Variants in MCUB observed in about 807,000 individuals in gnomAD.
The protein encoded by MCUB is calcium uniporter regulatory subunit MCUb, mitochondrial.
A neutral mutation model predicts 41.4 loss-of-function variants in MCUB; 46 were observed. The ratio of observed to expected loss-of-function variants is 1.11; its 90% confidence interval spans 0.88 to 1.42. The LOEUF (loss-of-function observed/expected upper bound fraction) is 1.42, where lower values mean the gene tolerates loss of function less well. Among genes scored for constraint, MCUB ranks in the 40% most tolerant of loss-of-function variants. The probability of loss-of-function intolerance (pLI) is 0.00; values close to 1 mark genes in which losing one functional copy is unlikely to be tolerated. For synonymous variants in MCUB, 148 were observed against 148.2 expected (o/e 1.00, Z 0.01); for missense variants, 403 against 404.9 (o/e 1.00, Z 0.04).
At chr4:109,615,268 C>T (rs1354848678) in intron 1 of MCUB, among the ~76,000 whole-genome samples, 1 of 152,094 alleles carries the variant, frequency 6.6e-6, no homozygotes, top group East Asian at 1.9e-4. Context: ...ACCCATATTG[C>T]AGATGTCAGC....
At chr4:109,665,140 G>A (rs58830158) in intron 4 of MCUB, among the ~76,000 whole-genome samples, 5,857 of 152,082 alleles carry the variant, frequency 0.039, 400 homozygotes, top group African/African-American at 0.14. Flanking sequence ...TTACATTAGG[G>A]TTTACTCTTG....
chr4:109,574,688 A>G (rs547888296), intron 1 of MCUB, among the ~76,000 whole-genome samples: 45 of 152,326 alleles, frequency 3.0e-4, no homozygotes, highest in African/African-American at 1.1e-3. Flanking sequence ...AATAACCATC[A>G]TATGAGGAAT....
At position 109,660,285 on chromosome 4, in the gene MCUB, T is replaced by C. The variant is rs1163534924; in HGVS notation, c.266T>C (p.Met89Thr). ...KERCQFVVKP[M>T]LSTVGSFLQD... is the part of the protein sequence containing the mutation. ...CGTTGTCAATTCGTAGTCAAACCAA[T>C]GTTGTCAACAGTTGGTTCATTCCTT... Residue 89 changes from methionine (M) to threonine (T), a missense_variant, in exon 3 of 8, where the codon ATG becomes ACG. Met to Thr is a moderately conservative substitution (Grantham distance 81). Transcript: ENST00000394650. 1 of 1,602,608 alleles carries C rather than the reference T, an allele frequency of 6.2e-7. No individual in the cohort carries two copies. Among genetic ancestry groups the C allele is most frequent in the Non-Finnish European group, 8.5e-7 (1 of 1,169,720 alleles).
intron 1 of MCUB, among the ~76,000 whole-genome samples, chr4:109,612,876 G>A (rs1728044252): frequency 1.3e-5 from 2 of 152,144 alleles, no homozygotes; most frequent in Admixed American, 1.3e-4. Context: ...GGAGGCCAAG[G>A]CGGGCGGATC....
chr4:109,642,846 T>C (rs1437371028), intron 1 of MCUB, among the ~76,000 whole-genome samples: 1 of 151,940 alleles, frequency 6.6e-6, no homozygotes, highest in Non-Finnish European at 1.5e-5. Context: ...TGTTTTTTGG[T>C]TAAATGATAT....
intron 1 of MCUB, among the ~76,000 whole-genome samples, chr4:109,606,609 A>G (rs1037867552): frequency 6.6e-5 from 10 of 152,184 alleles, no homozygotes; most frequent in African/African-American, 2.4e-4. Flanking sequence ...ACAACTTAAC[A>G]TTGATTGCAT....
intron 1 of MCUB, among the ~76,000 whole-genome samples, chr4:109,576,008 C>G (rs533232999): frequency 6.6e-6 from 1 of 152,292 alleles, no homozygotes; most frequent in East Asian, 1.9e-4. Context: ...GTCTAGGATT[C>G]TCACCTCTGC....
intron 1 of MCUB, among the ~76,000 whole-genome samples, chr4:109,597,690 C>T (rs1173539333): frequency 2.8e-5 from 4 of 145,268 alleles, no homozygotes; most frequent in Admixed American, 1.4e-4. Flanking sequence ...GGGGGCTGAC[C>T]CCCCACCTCC....
At chr4:109,603,293 C>T (rs948711384) in intron 1 of MCUB, among the ~76,000 whole-genome samples, 2 of 152,198 alleles carry the variant, frequency 1.3e-5, no homozygotes, top group Non-Finnish European at 2.9e-5. Flanking sequence ...GATGGGGTTT[C>T]GCTGTGTTGG....
At chr4:109,566,581 T>C (rs574125514) in intron 1 of MCUB, among the ~76,000 whole-genome samples, 1 of 152,292 alleles carries the variant, frequency 6.6e-6, no homozygotes, top group East Asian at 1.9e-4. Flanking sequence ...TTTCAATCAT[T>C]AAGACCATTC....
intron 4 of MCUB, among the ~76,000 whole-genome samples, chr4:109,679,248 C>T (rs937346691): frequency 5.9e-5 from 9 of 152,204 alleles, no homozygotes; most frequent in East Asian, 3.8e-4. Context: ...GACGGGGTGG[C>T]GGCCAGGCAG....
intron 4 of MCUB, among the ~76,000 whole-genome samples, chr4:109,670,470 C>G (rs771160283): frequency 6.6e-6 from 1 of 152,138 alleles, no homozygotes; most frequent in Non-Finnish European, 1.5e-5. Flanking sequence ...TTAATCCCAG[C>G]ACTTTGAGAG....
intron 1 of MCUB, among the ~76,000 whole-genome samples, chr4:109,568,527 C>CCCCG: frequency 6.6e-6 from 1 of 152,076 alleles, no homozygotes; most frequent in Admixed American, 6.5e-5. Flanking sequence ...TCTCCCTTTA[C>CCCCG]CCCGCTTCTT....
intron 1 of MCUB, among the ~76,000 whole-genome samples, chr4:109,635,771 T>G (rs1257067247): frequency 6.6e-6 from 1 of 152,152 alleles, no homozygotes; most frequent in Non-Finnish European, 1.5e-5. Flanking sequence ...GTCTGTGTCT[T>G]CTCATCTAAT....
At chr4:109,649,137 T>C (rs1728904928) in intron 1 of MCUB, among the ~76,000 whole-genome samples, 1 of 152,062 alleles carries the variant, frequency 6.6e-6, no homozygotes, top group Admixed American at 6.5e-5. Context: ...TGTGTTGTTA[T>C]AAATCCAACA....
intron 1 of MCUB, among the ~76,000 whole-genome samples, chr4:109,634,199 C>G (rs1728538865): frequency 6.6e-6 from 1 of 151,920 alleles, no homozygotes; most frequent in Admixed American, 6.6e-5. Flanking sequence ...TGTCTCCATG[C>G]AGGCCAGGCA....
chr4:109,601,194 CA>C (rs1727725377), intron 1 of MCUB, among the ~76,000 whole-genome samples: 1 of 152,148 alleles, frequency 6.6e-6, no homozygotes, highest in Non-Finnish European at 1.5e-5. Flanking sequence ...TACAGGCATG[CA>C]GTGTGTAATA....
At chr4:109,605,903 A>G (rs945285458) in intron 1 of MCUB, among the ~76,000 whole-genome samples, 6 of 151,828 alleles carry the variant, frequency 4.0e-5, no homozygotes, top group East Asian at 1.9e-4. Context: ...TTTTCAGTCT[A>G]TGTGTCTCTT....
chr4:109,612,252 C>A (rs1378062457), intron 1 of MCUB, among the ~76,000 whole-genome samples: 1 of 146,294 alleles, frequency 6.8e-6, no homozygotes, highest in Non-Finnish European at 1.5e-5. Flanking sequence ...TTTCTTCCTC[C>A]TCCTCCTTTT....
Sources: allele counts gnomAD v4.1 joint callset (sites outside exome capture counted in the v4.1 genomes callset), GRCh38; gene constraint gnomAD v4.1.1; transcripts MANE v1.5; gene names NCBI Gene and HGNC (gene_info 2026-07-23, HGNC 2026-07-21).